Variants in FRZB observed in about 807,000 individuals in gnomAD.
The protein encoded by FRZB is secreted frizzled-related protein 3.
FRZB carries 34 observed loss-of-function variants against 32.5 expected under a neutral mutation model. The ratio of observed to expected loss-of-function variants is 1.05; its 90% CI spans 0.80 to 1.39. FRZB has a LOEUF of 1.39. Among genes scored for constraint, FRZB ranks in the 40% most tolerant of loss-of-function variants. FRZB has a pLI of 0.00. For synonymous variants in FRZB, 170 were observed against 159.2 expected, an observed-to-expected ratio of 1.07 and a Z score of -0.51; for missense variants, 423 against 424.8, an observed-to-expected ratio of 1.00 and a Z score of 0.04.
At chr2:182,844,550 A>C (rs1395486307) in intron 2 of FRZB, among the ~76,000 whole-genome samples, 1 of 152,190 alleles carries the variant, frequency 6.6e-6, no homozygotes, top group Non-Finnish European at 1.5e-5. Flanking sequence ...AAGTCATGTA[A>C]ATAAATTACA....
chr2:182,860,502 T>C (rs1288748735), intron 1 of FRZB, among the ~76,000 whole-genome samples: 1 of 151,902 alleles, frequency 6.6e-6, no homozygotes, highest in East Asian at 1.9e-4. Context: ...GAGAAGGGAA[T>C]TTGAGTCAGA....
intron 1 of FRZB, among the ~76,000 whole-genome samples, chr2:182,860,578 G>A (rs935043746): frequency 2.0e-5 from 3 of 152,036 alleles, no homozygotes; most frequent in Non-Finnish European, 4.4e-5. Flanking sequence ...AATCAAGACT[G>A]CTTCCCACAG....
intron 5 of FRZB, among the ~76,000 whole-genome samples, chr2:182,836,432 G>A (rs1353531074): frequency 6.6e-6 from 1 of 151,930 alleles, no homozygotes; most frequent in Non-Finnish European, 1.5e-5. Flanking sequence ...CAAATTATTG[G>A]TTTCTTTCCT....
At chr2:182,865,585 T>A (rs1329807210) in intron 1 of FRZB, among the ~76,000 whole-genome samples, 1 of 152,118 alleles carries the variant, frequency 6.6e-6, no homozygotes, top group Non-Finnish European at 1.5e-5. Context: ...TAGAAGAAAA[T>A]GGGGCTTCAG....
chr2:182,865,575 T>G (rs1383986989), intron 1 of FRZB, among the ~76,000 whole-genome samples: 1 of 152,194 alleles, frequency 6.6e-6, no homozygotes, highest in Non-Finnish European at 1.5e-5. Context: ...CATTTTTAAT[T>G]AGAAGAAAAT....
At chr2:182,848,437 G>C (rs1695670996) in intron 2 of FRZB, among the ~76,000 whole-genome samples, 1 of 152,072 alleles carries the variant, frequency 6.6e-6, no homozygotes, top group Non-Finnish European at 1.5e-5. Flanking sequence ...GAAACAAGGC[G>C]ATAGTAAAAC....
chr2:182,858,526 C>T (rs535888388), intron 2 of FRZB, among the ~76,000 whole-genome samples: 15 of 152,170 alleles, frequency 9.9e-5, no homozygotes, highest in Admixed American at 3.3e-4. Context: ...TGGAATTGTT[C>T]TGTATCCTGA....
intron 1 of FRZB, among the ~76,000 whole-genome samples, chr2:182,865,836 C>T (rs1250410424): frequency 6.6e-6 from 1 of 152,062 alleles, no homozygotes; most frequent in East Asian, 1.9e-4. Context: ...TTAGAAAGAT[C>T]GCCTATTGGA....
rs1206217615 is a variant in FRZB at position 182,834,043 on chromosome 2, A to G, written c.*806T>C. The G allele has an allele frequency of 6.6e-6, 1 of 152,210 alleles. No individual in the cohort carries two copies. Among genetic ancestry groups the G allele is most frequent in the African/African-American group, 2.4e-5 (1 of 41,462 alleles). 9.4% of individuals were successfully genotyped at this position (152,210 alleles called of 1,614,324 possible). A position where few individuals can be genotyped will look rare whatever the true frequency, so the allele number is the denominator to read the frequency against. ...CCAATGGGTTTATTTAAAAGGAAGC[A>G]AATTAAACAAAACTATGGTGATAAC... is the stretch of plus-strand genomic sequence containing the variant. On this transcript the variant is annotated 3_prime_UTR_variant, in exon 6 of 6. Transcript: ENST00000295113.
At position 182,838,545 on chromosome 2, in the gene FRZB, C is replaced by G. The variant is rs781267300; in HGVS notation, c.661G>C (p.Glu221Gln). ...HDVTAVVEVK[E>Q]ILKSSLVNIP... is the part of the protein sequence containing the mutation. ...TTTACCAGAGAGGACTTTAGAATCT[C>G]CTTCACCTCCACTACTGCAGTCACA... Residue 221 changes from glutamate to glutamine, a missense_variant, in exon 4 of 6, where the codon GAG becomes CAG. Coordinates refer to ENST00000295113, the MANE Select transcript of FRZB (RefSeq NM_001463.4). The G allele has an allele frequency of 3.1e-6, 5 of 1,612,938 alleles. No homozygotes were observed. The highest frequency in any genetic ancestry group is 1.7e-4 in the Middle Eastern group (1 of 6,054).
intron 1 of FRZB, 108 bp from the exon 2 acceptor site, chr2:182,858,941 T>C: frequency 1.1e-6 from 1 of 904,556 alleles, no homozygotes; most frequent in South Asian, 1.4e-5. Flanking sequence ...AATCCAATTG[T>C]CTGAAGGAAG....
At chr2:182,855,315 T>G (rs1266415115) in intron 2 of FRZB, among the ~76,000 whole-genome samples, 2 of 152,214 alleles carry the variant, frequency 1.3e-5, no homozygotes, top group East Asian at 3.8e-4. Flanking sequence ...AAAAAAATGT[T>G]GACTTGAGTG....
In FRZB at chr2:182,856,396, C is replaced by T. The variant is rs150078973; in HGVS notation, c.526+2390G>A. Among the ~76,000 whole-genome samples, 1,339 of 150,914 alleles carry T rather than the reference C, an allele frequency of 8.9e-3. 16 individuals are homozygous for T. Among genetic ancestry groups the T allele is most frequent in the African/African-American group, 0.027 (1,095 of 41,202 alleles). On this transcript the variant is annotated intron_variant, in intron 2 of 5. Transcript: ENST00000295113. ...TGAGAGAGAGAGAGAGAGATACAAT[C>T]CAAAAGAAAGAAGAGAATGTGAATA...
At chr2:182,854,755 T>C (rs1284943620) in intron 2 of FRZB, among the ~76,000 whole-genome samples, 1 of 152,184 alleles carries the variant, frequency 6.6e-6, no homozygotes, top group Non-Finnish European at 1.5e-5. Flanking sequence ...CTCTCTCTCT[T>C]TCTCTGTCCT....
chr2:182,852,767 G>A lies in FRZB; in HGVS notation c.526+6019C>T, dbSNP rs559943549. Reference sequence around the variant, plus strand: ...AAAATTGTTTTCCTCCATATTACACGCTATGGAAATAAAGAGCATCTATTC... The same window carrying A: ...AAAATTGTTTTCCTCCATATTACACACTATGGAAATAAAGAGCATCTATTC... On this transcript the variant is annotated intron_variant, in intron 2 of 5. Coordinates refer to ENST00000295113, the MANE Select transcript of FRZB (RefSeq NM_001463.4). Among the ~76,000 whole-genome samples, 46 of 152,184 alleles carry A rather than the reference G, an allele frequency of 3.0e-4. 1 individual carries two copies. The South Asian group carries it at 6.8e-3, about 23-fold the overall frequency.
intron 2 of FRZB, among the ~76,000 whole-genome samples, chr2:182,851,611 G>C (rs1000986962): frequency 6.6e-6 from 1 of 151,862 alleles, no homozygotes; most frequent in South Asian, 2.1e-4. Context: ...AGCTGAGATC[G>C]TGCTATTGCA....
intron 3 of FRZB, among the ~76,000 whole-genome samples, chr2:182,839,298 C>A (rs1470810907): frequency 1.3e-5 from 2 of 151,790 alleles, no homozygotes; most frequent in Non-Finnish European, 2.9e-5. Context: ...ATATTAGGTC[C>A]TTTTTTCCTT....
intron 1 of FRZB, among the ~76,000 whole-genome samples, chr2:182,864,095 A>T (rs1229357379): frequency 6.6e-6 from 1 of 152,198 alleles, no homozygotes. Context: ...GAACTGACAA[A>T]TTGTTTCCAT....
At chr2:182,842,930 G>T (rs1450431035) in intron 2 of FRZB, among the ~76,000 whole-genome samples, 2 of 152,168 alleles carry the variant, frequency 1.3e-5, no homozygotes, top group Non-Finnish European at 2.9e-5. Context: ...TAGCTGGTTT[G>T]CCCTGTGGAC....
Sources: gnomAD v4.1 joint callset for allele counts (sites outside exome capture counted in the v4.1 genomes callset) on GRCh38, gnomAD v4.1.1 for gene constraint, MANE v1.5 for transcripts, NCBI Gene and HGNC (gene_info 2026-07-23, HGNC 2026-07-21) for gene names.